HOMEZ: variants seen among roughly 807,000 people sequenced by gnomAD.
HOMEZ encodes the protein homeobox and leucine zipper encoding.
Under a neutral mutation model 50.1 loss-of-function variants are expected in HOMEZ, and 20 were observed. The ratio of observed to expected loss-of-function variants is 0.40; its 90% CI spans 0.28 to 0.58. The LOEUF is 0.58. HOMEZ is among the 20% of genes least tolerant of loss of function. HOMEZ has a pLI of 0.46. For synonymous variants in HOMEZ, 239 were observed against 254.7 expected (o/e 0.94, Z 0.59); for missense variants, 579 against 680.5 (o/e 0.85, Z 1.66).
chr14:23,280,744 T>TTTTATTTTATTTTATTTTA (rs1886519478), intron 1 of HOMEZ, among the ~76,000 whole-genome samples: 2 of 79,788 alleles, frequency 2.5e-5, no homozygotes, highest in African/African-American at 1.0e-4. Context: ...TATTTTATTA[T>TTTTATTTTATTTTATTTTA]TTTATTTTAT....
Position 23,280,703 on chromosome 14 carries a change from A to C in HOMEZ, c.41-3516T>G, listed in dbSNP as rs1007130191. Among the ~76,000 whole-genome samples, 3 of 61,598 alleles carry C rather than the reference A, an allele frequency of 4.9e-5. No individual in the cohort carries two copies. In the Admixed American group the frequency reaches 5.6e-4, roughly 11 times the overall value. The allele number at this position is 61,598 out of a possible 152,430, so 40.4% of individuals were successfully genotyped here. On this transcript the variant is annotated intron_variant, in intron 1 of 1. Coordinates refer to ENST00000357460, the MANE Select transcript of HOMEZ (RefSeq NM_020834.3). ...TGTTATATTTTATTTTTATTTTTAT[A>C]TTTTTATTTTTATTTTATTTTATTT...
chr14:23,276,043 T>C lies in HOMEZ; in HGVS notation c.1185A>G (p.Leu395=), dbSNP rs767809094. The C allele has an allele frequency of 6.2e-7, 1 of 1,613,948 alleles. No homozygotes were observed. The highest frequency in any genetic ancestry group is 8.5e-7 in the Non-Finnish European group (1 of 1,179,832). ...DYQKLEQITG[L]PRPEIIQWFG... The stretch of plus-strand genomic sequence containing the variant: ...ACCACTGAATGATCTCAGGCCGAGG[T>C]AAACCAGTGATCTGTTCTAACTTTT... The change falls in exon 2 of 2, where the codon TTA becomes TTG. Residue 395 remains leucine (L), a synonymous_variant. Transcript: ENST00000357460. This position sits in a 1 kb window ranked among gnomAD's most constrained non-coding sequence, Gnocchi z 4.1.
chr14:23,274,561 G>C lies in HOMEZ; in HGVS notation c.*1014C>G, dbSNP rs548205381. 1 of 152,710 alleles carries C rather than the reference G, an allele frequency of 6.5e-6. No homozygotes were observed. The highest frequency in any genetic ancestry group is 1.5e-5 in the Non-Finnish European group (1 of 68,030). 9.5% of individuals were successfully genotyped at this position (152,710 alleles called of 1,614,324 possible). A position where few individuals can be genotyped will look rare whatever the true frequency, so the allele number is the denominator to read the frequency against. On this transcript the variant is annotated 3_prime_UTR_variant, in exon 2 of 2. Coordinates refer to ENST00000357460, the MANE Select transcript of HOMEZ (RefSeq NM_020834.3). The stretch of plus-strand genomic sequence containing the variant: ...TTCCCTGAGACAAACAATGAACAGA[G>C]TGAGGATTTTGGAAAGATAGAAAAA...
At position 23,272,982 on chromosome 14, in the gene HOMEZ, C is replaced by T; in HGVS notation, c.*2593G>A. On this transcript the variant is annotated 3_prime_UTR_variant, in exon 2 of 2. Transcript: ENST00000357460. ...GGGGTGATGGCCCTGGAAAATGTAT[C>T]CCTGCATTGTTTCCTAGTTTCACTC... 1.4e-6 allele frequency: 1 copy of T among 701,364 alleles called. No homozygotes were observed. Among genetic ancestry groups the T allele is most frequent in the Non-Finnish European group, 2.3e-6 (1 of 426,236 alleles). The allele number at this position is 701,364 out of a possible 1,614,324, so 43.4% of individuals were successfully genotyped here. A position where few individuals can be genotyped will look rare whatever the true frequency, so the allele number is the denominator to read the frequency against.
At position 23,273,028 on chromosome 14, in the gene HOMEZ, T is replaced by A; in HGVS notation, c.*2547A>T. 1 of 550,724 alleles carries A rather than the reference T, an allele frequency of 1.8e-6. No individual in the cohort carries two copies. The highest frequency in any genetic ancestry group is 3.2e-6 in the Non-Finnish European group (1 of 314,904). 34.1% of individuals were successfully genotyped at this position (550,724 alleles called of 1,614,324 possible). On this transcript the variant is annotated 3_prime_UTR_variant, in exon 2 of 2. Coordinates refer to ENST00000357460, the MANE Select transcript of HOMEZ (RefSeq NM_020834.3). The stretch of plus-strand genomic sequence containing the variant: ...CACTCTGTACCTTATGCTCCCCCCA[T>A]CTTTACCCTATTCACCCTTATCACC...
In HOMEZ at chr14:23,275,838, G is replaced by T; in HGVS notation, c.1390C>A (p.Gln464Lys). 6.2e-7 allele frequency: 1 copy of T among 1,600,540 alleles called. No homozygotes were observed. The highest frequency in any genetic ancestry group is 1.7e-4 in the Middle Eastern group (1 of 5,990). Residue 464 changes from glutamine to lysine, a missense_variant, in exon 2 of 2, where the codon CAA becomes AAA. Gln to Lys is a moderately conservative substitution (Grantham distance 53). Transcript: ENST00000357460. ...GCTGCCCAGTACCTCTCCAAGGGTTGTATATCCGGTGGGGGTGGAGGGATC... is the reference window on the plus strand; with the variant it reads ...GCTGCCCAGTACCTCTCCAAGGGTTTTATATCCGGTGGGGGTGGAGGGATC... ...LPIPPPPPDI[Q>K]PLERYWAAHQ...
chr14:23,285,851 CCA>C (rs1886650077), intron 1 of HOMEZ, 60 bp downstream of exon 1: 1 of 976,282 alleles, frequency 1.0e-6, no homozygotes, highest in Non-Finnish European at 1.4e-6. Context: ...GGATGGGGCT[CCA>C]GAGGTGGGAG....
intron 1 of HOMEZ, among the ~76,000 whole-genome samples, chr14:23,280,709 A>ATTTTATATTTTAT (rs1594964856): frequency 0.024 from 1,186 of 49,566 alleles, 140 homozygotes; most frequent in South Asian, 0.17. Flanking sequence ...TTATATTTTT[A>ATTTTATATTTTAT]TTTTTATTTT....
At chr14:23,279,468 TG>T (rs1238786717) in intron 1 of HOMEZ, among the ~76,000 whole-genome samples, 2 of 152,066 alleles carry the variant, frequency 1.3e-5, no homozygotes, top group Non-Finnish European at 2.9e-5. Context: ...AGTGGTTTGG[TG>T]GGGAAAATGG....
intron 1 of HOMEZ, 56 bp downstream of exon 1, chr14:23,285,857 G>T: frequency 9.8e-7 from 1 of 1,017,568 alleles, no homozygotes; most frequent in Non-Finnish European, 1.3e-6. Context: ...GGCTCCAGAG[G>T]TGGGAGACCG....
At position 23,275,934 on chromosome 14, in the gene HOMEZ, C is replaced by G. The variant is rs1461208457; in HGVS notation, c.1294G>C (p.Asp432His). 6.2e-7 allele frequency: 1 copy of G among 1,609,162 alleles called. No homozygotes were observed. Among genetic ancestry groups the G allele is most frequent in the Admixed American group, 1.7e-5 (1 of 59,554 alleles). The change falls in exon 2 of 2, where the codon GAC (aspartate) becomes CAC (histidine). Residue 432 changes from aspartate to histidine, a missense_variant. Physicochemically the swap from Asp to His is moderately conservative, Grantham distance 81. Coordinates refer to ENST00000357460, the MANE Select transcript of HOMEZ (RefSeq NM_020834.3). Reference sequence around the variant, plus strand: ...GGTGGTGGTGTAGGAATTGCTGGGTCTTGGAAACTAGGGGCACCAGGTACT... The same window carrying G: ...GGTGGTGGTGTAGGAATTGCTGGGTGTTGGAAACTAGGGGCACCAGGTACT... The part of the protein sequence containing the change: ...NAVPGAPSFQ[D>H]PAIPTPPPST...
rs888169199 is a variant in HOMEZ at position 23,273,438 on chromosome 14, T to C, written c.*2137A>G. On this transcript the variant is annotated 3_prime_UTR_variant, in exon 2 of 2. Coordinates refer to ENST00000357460, the MANE Select transcript of HOMEZ (RefSeq NM_020834.3). ...AGACACTGATTTTCAGCTTAGTATA[T>C]AGATAGTAAAATAAAGACGATGCCC... 1 of 152,324 alleles carries C rather than the reference T, an allele frequency of 6.6e-6. No individual in the cohort carries two copies. Among genetic ancestry groups the C allele is most frequent in the Admixed American group, 6.5e-5 (1 of 15,290 alleles). 9.4% of individuals were successfully genotyped at this position (152,324 alleles called of 1,614,324 possible).
At position 23,280,748 on chromosome 14, in the gene HOMEZ, A is replaced by ATTTTATTTTATTTTATTTTG. The variant is rs1594965238; in HGVS notation, c.41-3562_41-3561insCAAAATAAAATAAAATAAAA. Among the ~76,000 whole-genome samples the ATTTTATTTTATTTTATTTTG allele has an allele frequency of 1.1e-4, 10 of 87,120 alleles. 2 individuals carry two copies. The East Asian group carries it at 3.4e-3, about 29-fold the overall frequency. The allele number at this position is 87,120 out of a possible 152,430, so 57.2% of individuals were successfully genotyped here. A position where few individuals can be genotyped will look rare whatever the true frequency, so the allele number is the denominator to read the frequency against. On this transcript the variant is annotated intron_variant, in intron 1 of 1. Coordinates refer to ENST00000357460, the MANE Select transcript of HOMEZ (RefSeq NM_020834.3). ...TTATTTTATTTTATTTTATTATTTT[A>ATTTTATTTTATTTTATTTTG]TTTTATTTTATTTTATTTTATTTTA...
rs747231137 is a variant in HOMEZ at position 23,276,653 on chromosome 14, G to A, written c.575C>T (p.Pro192Leu). The A allele has an allele frequency of 4.0e-5, 64 of 1,614,024 alleles. No individual in the cohort carries two copies. In the Middle Eastern group the frequency reaches 5.0e-4, roughly 13 times the overall value. ...TTTCTGGTGACTCTGTGGCAGTGGTGGCATCTGAGAGGGCTCCTCAGGCTC... is the reference window on the plus strand; with the variant it reads ...TTTCTGGTGACTCTGTGGCAGTGGTAGCATCTGAGAGGGCTCCTCAGGCTC... ...KVEPEEPSQM[P>L]PLPQSHQKLK... is the part of the protein sequence containing the mutation. Residue 192 changes from proline (P) to leucine (L), a missense_variant, in exon 2 of 2, where the codon CCA (proline) becomes CTA (leucine). By Grantham distance (98) the Pro-to-Leu change is moderately conservative (BLOSUM62 -3). Transcript: ENST00000357460. The surrounding 1 kb of genome is among the most constrained non-coding windows in gnomAD (Gnocchi z 4.1).
intron 1 of HOMEZ, among the ~76,000 whole-genome samples, chr14:23,279,337 GGAA>G (rs1886437579): frequency 6.6e-6 from 1 of 152,178 alleles, no homozygotes; most frequent in Admixed American, 6.5e-5. Flanking sequence ...ACAAAAGAGG[GGAA>G]GAAGTTCTTA....
chr14:23,278,527 G>A (rs1030736778), intron 1 of HOMEZ, among the ~76,000 whole-genome samples: 2 of 151,756 alleles, frequency 1.3e-5, no homozygotes, highest in African/African-American at 4.8e-5. Context: ...AGCCATATCC[G>A]GCTAATTTTA....
intron 1 of HOMEZ, among the ~76,000 whole-genome samples, chr14:23,283,894 CAAAT>C (rs758436334): frequency 6.6e-6 from 1 of 151,826 alleles, no homozygotes; most frequent in Non-Finnish European, 1.5e-5. Context: ...GACTCTGTCT[CAAAT>C]AAATAAATAA....
At position 23,273,053 on chromosome 14, in the gene HOMEZ, C is replaced by T; in HGVS notation, c.*2522G>A. ...TCTTTACCCTATTCACCCTTATCACCTCCCAGGACAGTGGTCAGGTCTTAC... is the reference window on the plus strand; with the variant it reads ...TCTTTACCCTATTCACCCTTATCACTTCCCAGGACAGTGGTCAGGTCTTAC... On this transcript the variant is annotated 3_prime_UTR_variant, in exon 2 of 2. Transcript: ENST00000357460. 2.2e-6 allele frequency: 1 copy of T among 464,416 alleles called. No individual in the cohort carries two copies. The highest frequency in any genetic ancestry group is 3.8e-6 in the Non-Finnish European group (1 of 263,272). 28.8% of individuals were successfully genotyped at this position (464,416 alleles called of 1,614,324 possible). A position where few individuals can be genotyped will look rare whatever the true frequency, so the allele number is the denominator to read the frequency against.
At chr14:23,285,801 G>C (rs1366298372) in intron 1 of HOMEZ, 112 bp downstream of exon 1, 4 of 553,580 alleles carry the variant, frequency 7.2e-6, no homozygotes, top group Non-Finnish European at 1.1e-5. Context: ...AGAGAGAACC[G>C]GGCCACTTCG....
Sources: allele counts gnomAD v4.1 joint callset (sites outside exome capture counted in the v4.1 genomes callset), GRCh38; gene constraint gnomAD v4.1.1; non-coding constraint Gnocchi (gnomAD v3.1); transcripts MANE v1.5; gene names NCBI Gene and HGNC (gene_info 2026-07-23, HGNC 2026-07-21).